Variants in LRP1B observed in about 807,000 individuals in gnomAD.
LRP1B encodes LDL receptor related protein 1B.
Under a neutral mutation model 556.6 loss-of-function variants are expected in LRP1B, and 217 were observed. The ratio of observed to expected loss-of-function variants is 0.39; its 90% confidence interval spans 0.35 to 0.44. The LOEUF is 0.44. Ranked by LOEUF, LRP1B falls within the 20% of genes least tolerant of loss-of-function variation. LRP1B has a pLI of 1.00. For missense variants in LRP1B, 5,053 were observed against 5,620.8 expected (o/e 0.90, Z 3.23); for synonymous variants, 2,047 against 1,865.8 (o/e 1.10, Z -2.50).
chr2:141,151,866 T>C (rs1262179295), intron 7 of LRP1B, among the ~76,000 whole-genome samples: 1 of 152,120 alleles, frequency 6.6e-6, no homozygotes, highest in Non-Finnish European at 1.5e-5. Context: ...AAACTAAACA[T>C]GGAGAAAAAT....
chr2:140,374,080 G>T (rs1338777756), intron 68 of LRP1B, among the ~76,000 whole-genome samples: 1 of 152,088 alleles, frequency 6.6e-6, no homozygotes, highest in Non-Finnish European at 1.5e-5. Flanking sequence ...TCCATATACA[G>T]ATTTTATGTG....
chr2:141,474,028 C>CTTCCTTCT (rs1553519272), intron 3 of LRP1B, among the ~76,000 whole-genome samples: 1 of 122,520 alleles, frequency 8.2e-6, no homozygotes, highest in African/African-American at 3.8e-5. Flanking sequence ...TCCTTCCTTC[C>CTTCCTTCT]TTCCTTCCTT....
Position 140,457,579 on chromosome 2 carries a change from T to G in LRP1B, c.9698A>C (p.Lys3233Thr). ...FEDYIYWTDGKTKSLSRAHKT... is the reference protein window; with the variant it reads ...FEDYIYWTDGTTKSLSRAHKT... ...ATGGGCACGGCTGAGTGACTTGGTT[T>G]TCCCATCAGTCCAGTAGATGTAGTC... The change falls in exon 61 of 91, where the codon AAA (lysine) becomes ACA (threonine). Residue 3233 changes from lysine (K) to threonine (T), a missense_variant. Around this residue, in one of 5 missense-constraint regions of LRP1B, gnomAD observed 262 missense variants for 395.1 expected, o/e 0.66. Transcript: ENST00000389484. 1 of 1,613,862 alleles carries G rather than the reference T, an allele frequency of 6.2e-7. No homozygotes were observed. Among genetic ancestry groups the G allele is most frequent in the Admixed American group, 1.7e-5 (1 of 59,996 alleles).
chr2:140,594,836 A>AT (rs1056559308), intron 43 of LRP1B, among the ~76,000 whole-genome samples: 1 of 151,854 alleles, frequency 6.6e-6, no homozygotes, highest in Admixed American at 6.6e-5. Context: ...TTGCTTCAGC[A>AT]TTTTTTGACA....
At chr2:141,771,827 G>T (rs942325161) in intron 2 of LRP1B, among the ~76,000 whole-genome samples, 1 of 152,018 alleles carries the variant, frequency 6.6e-6, no homozygotes, top group African/African-American at 2.4e-5. Context: ...TTTTGTTGTT[G>T]TTGTTTTTGC....
At chr2:142,005,722 C>T (rs1702779317) in intron 1 of LRP1B, among the ~76,000 whole-genome samples, 1 of 151,810 alleles carries the variant, frequency 6.6e-6, no homozygotes, top group African/African-American at 2.4e-5. Context: ...ATCAAACTTG[C>T]AAAGCTATTT....
chr2:142,005,909 G>GA (rs950711108), intron 1 of LRP1B, among the ~76,000 whole-genome samples: 22 of 141,670 alleles, frequency 1.6e-4, no homozygotes, highest in Non-Finnish European at 2.6e-4. Context: ...AAAAAAAAAA[G>GA]AAAAAAAACT....
chr2:140,804,409 CT>C (rs914581793), intron 32 of LRP1B, among the ~76,000 whole-genome samples: 1 of 151,922 alleles, frequency 6.6e-6, no homozygotes, highest in Non-Finnish European at 1.5e-5. Context: ...GCTAATTTTA[CT>C]GTTTTTTATT....
intron 84 of LRP1B, among the ~76,000 whole-genome samples, chr2:140,279,607 A>T (rs1229027068): frequency 6.6e-6 from 1 of 151,968 alleles, no homozygotes; most frequent in African/African-American, 2.4e-5. Context: ...GTATCAGTTC[A>T]GCTATTTATC....
intron 3 of LRP1B, among the ~76,000 whole-genome samples, chr2:141,432,011 A>T (rs1446698378): frequency 6.6e-6 from 1 of 152,148 alleles, no homozygotes; most frequent in East Asian, 1.9e-4. Flanking sequence ...ACTGCAAGTG[A>T]TGAGAGCAGA....
At chr2:140,522,776 C>A (rs150066358) in intron 49 of LRP1B, among the ~76,000 whole-genome samples, 1 of 151,658 alleles carries the variant, frequency 6.6e-6, no homozygotes, top group Non-Finnish European at 1.5e-5. Context: ...CTATTGTGAA[C>A]ATACTCTAAA....
At chr2:141,313,170 C>A (rs1686877170) in intron 3 of LRP1B, among the ~76,000 whole-genome samples, 1 of 152,026 alleles carries the variant, frequency 6.6e-6, no homozygotes, top group Non-Finnish European at 1.5e-5. Context: ...GACTTGGCCT[C>A]ATTCTTTATG....
intron 1 of LRP1B, among the ~76,000 whole-genome samples, chr2:141,989,481 T>C (rs576779112): frequency 7.2e-5 from 11 of 152,226 alleles, no homozygotes; most frequent in African/African-American, 2.4e-4. Flanking sequence ...CATTTTTATA[T>C]ATATGTCAGT....
chr2:140,327,627 T>G (rs1558804658), intron 79 of LRP1B, among the ~76,000 whole-genome samples: 1 of 145,376 alleles, frequency 6.9e-6, no homozygotes, highest in East Asian at 2.0e-4. Flanking sequence ...TGTGCTACAA[T>G]AAAGAAGTAG....
intron 83 of LRP1B, among the ~76,000 whole-genome samples, chr2:140,309,083 T>G (rs1252872478): frequency 2.0e-5 from 3 of 151,860 alleles, no homozygotes; most frequent in Non-Finnish European, 4.4e-5. Flanking sequence ...AATAAGGAGA[T>G]TTGACATTCT....
intron 2 of LRP1B, among the ~76,000 whole-genome samples, chr2:141,529,094 T>C (rs1236765137): frequency 3.3e-5 from 5 of 152,326 alleles, no homozygotes; most frequent in Middle Eastern, 6.8e-3. Flanking sequence ...TTTGGCAACA[T>C]TGACCGTGAA....
chr2:141,534,663 T>C (rs1685008088), intron 2 of LRP1B, among the ~76,000 whole-genome samples: 1 of 152,164 alleles, frequency 6.6e-6, no homozygotes, highest in Non-Finnish European at 1.5e-5. Context: ...TGCTGCCTAT[T>C]TCGTACCAGA....
At chr2:140,435,724 G>C (rs769793962) in intron 66 of LRP1B, among the ~76,000 whole-genome samples, 5 of 151,590 alleles carry the variant, frequency 3.3e-5, no homozygotes, top group African/African-American at 4.8e-5. Flanking sequence ...TTTTGGTGGA[G>C]AGTCAATGCA....
chr2:140,769,278 T>C lies in LRP1B; in HGVS notation c.5693A>G (p.Asp1898Gly), dbSNP rs1398906345. Residue 1898 changes from aspartate (D) to glycine (G), a missense_variant, in exon 35 of 91, where the codon GAC becomes GGC. Coordinates refer to ENST00000389484, the MANE Select transcript of LRP1B (RefSeq NM_018557.3). Reference sequence around the variant, plus strand: ...TATAGGCATCAAAGCATCCATTTTGTCACTTGGTTCAAGAGGTATTCCCCT... The same window carrying C: ...TATAGGCATCAAAGCATCCATTTTGCCACTTGGTTCAAGAGGTATTCCCCT... ...GIRGIPLEPS[D>G]KMDALMPISG... The C allele has an allele frequency of 6.2e-7, 1 of 1,612,330 alleles. No homozygotes were observed. The highest frequency in any genetic ancestry group is 1.7e-5 in the Admixed American group (1 of 59,886).
Sources: gnomAD v4.1 joint callset for allele counts (sites outside exome capture counted in the v4.1 genomes callset) on GRCh38, gnomAD v4.1.1 for gene constraint, gnomAD v4.1.1 regional missense constraint, MANE v1.5 for transcripts, NCBI Gene and HGNC (gene_info 2026-07-23, HGNC 2026-07-21) for gene names.